The following KIZ variants were observed in gnomAD, a reference collection of about 807,000 sequenced individuals.
KIZ encodes kizuna centrosomal protein.
A neutral mutation model predicts 79.6 loss-of-function variants in KIZ; 68 were observed. That is an observed-to-expected ratio of 0.85 (90% CI 0.70 to 1.05). The LOEUF is 1.05. KIZ is among the 50% of genes least tolerant of loss of function. The pLI, the probability that KIZ is intolerant of heterozygous loss-of-function variation, is 0.00. For missense variants in KIZ, 797 were observed against 800.4 expected (o/e 1.00, Z 0.05); for synonymous variants, 280 against 281.8 (o/e 0.99, Z 0.06).
intron 9 of KIZ, chr20:21,225,966 G>A (rs1246248635): frequency 6.6e-6 from 1 of 152,194 alleles, no homozygotes; most frequent in African/African-American, 2.4e-5. Flanking sequence ...CTTTCAACAA[G>A]AAAGCTTTTC....
chr20:21,212,408 C>T (rs749085733), intron 7 of KIZ, among the ~76,000 whole-genome samples: 9 of 152,130 alleles, frequency 5.9e-5, no homozygotes, highest in African/African-American at 9.7e-5. Flanking sequence ...ACAAGTAGTA[C>T]AGTATCCAAT....
chr20:21,245,803 G>A (rs2123545745), intron 12 of KIZ: 1 of 152,394 alleles, frequency 6.6e-6, no homozygotes, highest in East Asian at 1.9e-4. Context: ...TCAACCAACA[G>A]AGGCAAGTTG....
At chr20:21,135,330 G>A (rs2032123142) in intron 2 of KIZ, among the ~76,000 whole-genome samples, 1 of 152,218 alleles carries the variant, frequency 6.6e-6, no homozygotes, top group Non-Finnish European at 1.5e-5. Flanking sequence ...GTGAACGACA[G>A]TATGTTAGGT....
At chr20:21,214,359 A>C (rs2036198145) in intron 7 of KIZ, among the ~76,000 whole-genome samples, 176 bp from the exon 8 acceptor site, 1 of 152,236 alleles carries the variant, frequency 6.6e-6, no homozygotes, top group East Asian at 1.9e-4. Context: ...AGATTATAGT[A>C]GAAAATAACC....
Position 21,214,538 on chromosome 20 carries a change from A to G in KIZ, c.1450A>G (p.Thr484Ala), listed in dbSNP as rs772558841. 2.5e-6 allele frequency: 4 copies of G among 1,611,868 alleles called. No individual in the cohort carries two copies. The highest frequency in any genetic ancestry group is 1.7e-5 in the Admixed American group (1 of 59,902). Residue 484 changes from threonine to alanine, a missense_variant, in exon 8 of 13, where the codon ACA becomes GCA. Coordinates refer to ENST00000619189, the MANE Select transcript of KIZ (RefSeq NM_018474.6). ...TGCTTTTTTTGAAACACTGTAGGCA[A>G]CAGCATTATTGAGAAAAGCCCTTAC... is the stretch of plus-strand genomic sequence containing the variant. ...EHDNSVKEEA[T>A]ALLRKALTEE...
intron 6 of KIZ, among the ~76,000 whole-genome samples, chr20:21,193,116 T>A (rs1476177050): frequency 6.6e-6 from 1 of 152,116 alleles, no homozygotes; most frequent in Non-Finnish European, 1.5e-5. Context: ...CAGCCCAGCA[T>A]TTCAAAATGC....
intron 7 of KIZ, among the ~76,000 whole-genome samples, chr20:21,206,461 G>A (rs2035832733): frequency 6.6e-6 from 1 of 152,110 alleles, no homozygotes; most frequent in African/African-American, 2.4e-5. Context: ...GCTTTTGATG[G>A]TACGAGTTGG....
intron 3 of KIZ, among the ~76,000 whole-genome samples, chr20:21,139,970 C>T (rs547304214): frequency 2.4e-4 from 37 of 152,262 alleles, no homozygotes; most frequent in African/African-American, 8.7e-4. Flanking sequence ...GGACTTTGGC[C>T]ATCACCCTAG....
At chr20:21,141,079 G>A (rs887987408) in intron 3 of KIZ, among the ~76,000 whole-genome samples, 7 of 152,110 alleles carry the variant, frequency 4.6e-5, no homozygotes, top group Non-Finnish European at 1.0e-4. Flanking sequence ...AATGCTGTGA[G>A]GAGTCTGCCC....
intron 6 of KIZ, among the ~76,000 whole-genome samples, chr20:21,185,951 TAAA>T (rs951192362): frequency 6.6e-6 from 1 of 152,158 alleles, no homozygotes; most frequent in Non-Finnish European, 1.5e-5. Context: ...ATTGGTTTAC[TAAA>T]ACTTGGGCAC....
At chr20:21,193,341 A>G (rs2035197356) in intron 6 of KIZ, among the ~76,000 whole-genome samples, 1 of 152,212 alleles carries the variant, frequency 6.6e-6, no homozygotes, top group South Asian at 2.1e-4. Flanking sequence ...GTTAAGGAAA[A>G]GTTTATTTTC....
intron 6 of KIZ, among the ~76,000 whole-genome samples, chr20:21,189,691 G>A (rs1029920029): frequency 1.2e-4 from 19 of 152,198 alleles, no homozygotes; most frequent in Admixed American, 8.5e-4. Flanking sequence ...ACAGACGGAT[G>A]GTGCCCTACC....
At chr20:21,134,236 C>A (rs1005108245) in intron 2 of KIZ, among the ~76,000 whole-genome samples, 5 of 152,216 alleles carry the variant, frequency 3.3e-5, no homozygotes, top group Non-Finnish European at 7.3e-5. Flanking sequence ...TTATCACCAT[C>A]TCTCTCCAGC....
intron 8 of KIZ, 100 bp downstream of exon 8, chr20:21,214,800 C>T (rs1472435346): frequency 1.2e-5 from 8 of 682,262 alleles, no homozygotes; most frequent in Admixed American, 7.4e-5. Flanking sequence ...CTAGTGAATA[C>T]CTCTGATTTT....
At chr20:21,133,686 C>T (rs2031992094) in intron 2 of KIZ, among the ~76,000 whole-genome samples, 1 of 152,192 alleles carries the variant, frequency 6.6e-6, no homozygotes, top group Admixed American at 6.5e-5. Context: ...CTAGTACCTG[C>T]CAGAAGGCAG....
At chr20:21,156,173 T>C (rs2122616013) in intron 4 of KIZ, among the ~76,000 whole-genome samples, 1 of 152,304 alleles carries the variant, frequency 6.6e-6, no homozygotes, top group Middle Eastern at 3.4e-3. Flanking sequence ...TTTCCACCAT[T>C]GTTACCATCT....
intron 4 of KIZ, chr20:21,151,601 A>G (rs2033121698): frequency 6.6e-6 from 1 of 152,242 alleles, no homozygotes; most frequent in Non-Finnish European, 1.5e-5. Flanking sequence ...AAAAGGATTT[A>G]TAGAAGCTCC....
chr20:21,243,390 A>G (rs893887522), intron 11 of KIZ, among the ~76,000 whole-genome samples: 2 of 152,120 alleles, frequency 1.3e-5, no homozygotes, highest in East Asian at 1.9e-4. Flanking sequence ...AGGAAAAGAT[A>G]TATTTGCAGG....
At chr20:21,150,283 C>T (rs1334530542) in intron 4 of KIZ, among the ~76,000 whole-genome samples, 1 of 152,214 alleles carries the variant, frequency 6.6e-6, no homozygotes, top group East Asian at 1.9e-4. Flanking sequence ...CGCCCTCTCA[C>T]ACCTGCTAAG....
Sources: gnomAD v4.1 joint callset for allele counts (sites outside exome capture counted in the v4.1 genomes callset) on GRCh38, gnomAD v4.1.1 for gene constraint, MANE v1.5 for transcripts, NCBI Gene and HGNC (gene_info 2026-07-23, HGNC 2026-07-21) for gene names.